FN3K: variants seen among roughly 807,000 people sequenced by gnomAD.
FN3K encodes fructosamine-3-kinase.
A neutral mutation model predicts 24.8 loss-of-function variants in FN3K; 24 were observed. That is an observed-to-expected ratio of 0.97 (90% CI 0.70 to 1.36). The LOEUF is 1.36. Among genes scored for constraint, FN3K ranks in the 40% most tolerant of loss-of-function variants. The probability of loss-of-function intolerance (pLI) is 0.00; values close to 1 mark genes in which losing one functional copy is unlikely to be tolerated. For synonymous variants in FN3K, 192 were observed against 175.2 expected (o/e 1.10, Z -0.76); for missense variants, 449 against 416.7 (o/e 1.08, Z -0.67).
At chr17:82,744,713 C>T (rs1309593058) in intron 4 of FN3K, among the ~76,000 whole-genome samples, 1 of 151,830 alleles carries the variant, frequency 6.6e-6, no homozygotes, top group East Asian at 1.9e-4. Flanking sequence ...ATTGATCATT[C>T]GTGGGTGTTT....
At chr17:82,747,988 A>C (rs1450269738) in intron 4 of FN3K, among the ~76,000 whole-genome samples, 5 of 152,160 alleles carry the variant, frequency 3.3e-5, no homozygotes, top group African/African-American at 1.2e-4. Flanking sequence ...TTTTTCCTGC[A>C]GTTCTTTTAC....
intron 4 of FN3K, among the ~76,000 whole-genome samples, chr17:82,748,152 T>A (rs2046979010): frequency 6.6e-6 from 1 of 151,944 alleles, no homozygotes. Flanking sequence ...CTTTTTTTTT[T>A]TCTTTTTTTT....
chr17:82,738,237 C>T (rs1379726445), intron 1 of FN3K: 3 of 530,034 alleles, frequency 5.7e-6, no homozygotes, highest in Non-Finnish European at 1.0e-5. Context: ...CCTGTGCATC[C>T]TCCTGTCACA....
chr17:82,736,849 T>A (rs534073193), intron 1 of FN3K, among the ~76,000 whole-genome samples: 1 of 152,356 alleles, frequency 6.6e-6, no homozygotes, highest in South Asian at 2.1e-4. Context: ...AGTTTTTGGT[T>A]CAGGCTTCCC....
intron 1 of FN3K, chr17:82,738,172 C>T (rs1425128322): frequency 5.9e-6 from 2 of 339,448 alleles, no homozygotes; most frequent in Non-Finnish European, 1.1e-5. Context: ...AGCTCTGGAC[C>T]TTGGTTCACT....
intron 1 of FN3K, 136 bp downstream of exon 1, chr17:82,735,913 C>T: frequency 8.6e-7 from 1 of 1,161,364 alleles, no homozygotes; most frequent in South Asian, 1.4e-5. Flanking sequence ...GTGGCACCTG[C>T]TGGGTGAGCC....
intron 2 of FN3K, among the ~76,000 whole-genome samples, chr17:82,740,150 C>T (rs763840580): frequency 2.0e-5 from 3 of 152,156 alleles, no homozygotes; most frequent in Non-Finnish European, 4.4e-5. Flanking sequence ...ATCTGCCTGC[C>T]TTGGCTTCCC....
intron 2 of FN3K, among the ~76,000 whole-genome samples, chr17:82,738,923 C>CGTGTATATATATATAT (rs2046922868): frequency 5.0e-5 from 2 of 40,206 alleles, no homozygotes; most frequent in Non-Finnish European, 8.4e-5. Flanking sequence ...TATATATATA[C>CGTGTATATATATATAT]ACATATATAT....
intron 4 of FN3K, among the ~76,000 whole-genome samples, chr17:82,743,562 C>T (rs1260942185): frequency 6.6e-6 from 1 of 152,170 alleles, no homozygotes; most frequent in Non-Finnish European, 1.5e-5. Flanking sequence ...GACACCTGGG[C>T]ACTAAGGCCC....
intron 1 of FN3K, chr17:82,736,055 T>G: frequency 2.4e-6 from 1 of 420,456 alleles, no homozygotes; most frequent in Non-Finnish European, 4.3e-6. Flanking sequence ...ATGTGAGGCT[T>G]GGGGTCCTTG....
Position 82,750,915 on chromosome 17 carries a change from C to CCCCGT in FN3K, c.*163_*164insGTCCC, listed in dbSNP as rs1568073724. ...GTCCCCCCATCCTCCTGTCCCCGTC[C>CCCCGT]CCCCGTCCCCGTCCCTCCATCCCTG... On this transcript the variant is annotated 3_prime_UTR_variant, in exon 6 of 6. Coordinates refer to ENST00000300784, the MANE Select transcript of FN3K (RefSeq NM_022158.4). 8.0e-5 allele frequency: 30 copies of CCCCGT among 375,802 alleles called. No homozygotes were observed. The highest frequency in any genetic ancestry group is 1.6e-4 in the African/African-American group (3 of 18,924). 23.3% of individuals were successfully genotyped at this position (375,802 alleles called of 1,614,324 possible). A position where few individuals can be genotyped will look rare whatever the true frequency, so the allele number is the denominator to read the frequency against.
chr17:82,744,871 G>A (rs1346639541), intron 4 of FN3K, among the ~76,000 whole-genome samples: 4 of 152,202 alleles, frequency 2.6e-5, no homozygotes, highest in African/African-American at 9.7e-5. Flanking sequence ...ACATCTCAAT[G>A]CTTTACAAAG....
intron 4 of FN3K, among the ~76,000 whole-genome samples, chr17:82,743,821 C>G (rs974635913): frequency 5.3e-5 from 8 of 152,216 alleles, no homozygotes; most frequent in African/African-American, 1.9e-4. Context: ...AGACCACAGG[C>G]CCTGACCATG....
At chr17:82,740,175 A>G (rs1366501694) in intron 2 of FN3K, among the ~76,000 whole-genome samples, 2 of 152,172 alleles carry the variant, frequency 1.3e-5, no homozygotes, top group Non-Finnish European at 2.9e-5. Context: ...TCCTGGTACT[A>G]TAGGCCTGAG....
At chr17:82,744,192 G>A (rs2046956016) in intron 4 of FN3K, among the ~76,000 whole-genome samples, 1 of 152,226 alleles carries the variant, frequency 6.6e-6, no homozygotes, top group Non-Finnish European at 1.5e-5. Context: ...CATGTGCAGG[G>A]AGATTCTTGG....
At chr17:82,748,684 C>G (rs1236188943) in intron 4 of FN3K, among the ~76,000 whole-genome samples, 171 bp from the exon 5 acceptor site, 1 of 151,888 alleles carries the variant, frequency 6.6e-6, no homozygotes, top group Admixed American at 6.6e-5. Flanking sequence ...TTTCATCTGC[C>G]CTTTGTTCTC....
At chr17:82,742,130 C>T (rs1316725572) in intron 4 of FN3K, among the ~76,000 whole-genome samples, 2 of 152,178 alleles carry the variant, frequency 1.3e-5, no homozygotes, top group African/African-American at 2.4e-5. Flanking sequence ...GTCTCGAACT[C>T]CTGACCTCAG....
chr17:82,738,953 T>A (rs1171273387), intron 2 of FN3K, among the ~76,000 whole-genome samples: 13 of 144,792 alleles, frequency 9.0e-5, no homozygotes, highest in South Asian at 6.6e-4. Context: ...TATATTTTTT[T>A]TTTTTTTGAA....
chr17:82,742,924 G>A (rs2046948896), intron 4 of FN3K: 1 of 321,110 alleles, frequency 3.1e-6, no homozygotes, highest in Admixed American at 4.4e-5. Context: ...CCCAGCTGGA[G>A]GTCACCTGGG....
Sources: gnomAD v4.1 joint callset for allele counts (sites outside exome capture counted in the v4.1 genomes callset) on GRCh38, gnomAD v4.1.1 for gene constraint, MANE v1.5 for transcripts, NCBI Gene and HGNC (gene_info 2026-07-23, HGNC 2026-07-21) for gene names.